The following GRM5 variants were observed in gnomAD, a reference collection of about 807,000 sequenced individuals.
The protein encoded by GRM5 is metabotropic glutamate receptor 5.
A neutral mutation model predicts 83.1 loss-of-function variants in GRM5; 19 were observed. The ratio of observed to expected loss-of-function variants is 0.23; its 90% CI spans 0.16 to 0.34. GRM5 has a LOEUF of 0.34. Among genes scored for constraint, GRM5 ranks in the 10% least tolerant of loss-of-function variants. The pLI is 1.00. For missense variants in GRM5, 1,160 were observed against 1,588.3 expected (o/e 0.73, Z 4.58); for synonymous variants, 675 against 633.6 (o/e 1.07, Z -0.98).
intron 2 of GRM5, among the ~76,000 whole-genome samples, chr11:88,857,085 A>T (rs999629675): frequency 2.0e-5 from 3 of 152,092 alleles, no homozygotes; most frequent in African/African-American, 7.2e-5. Flanking sequence ...CATTTCCATA[A>T]AGTAAAATCC....
At chr11:88,820,387 A>AAAAT (rs1371700107) in intron 3 of GRM5, among the ~76,000 whole-genome samples, 1 of 151,314 alleles carries the variant, frequency 6.6e-6, no homozygotes, top group East Asian at 1.9e-4. Context: ...AAAAAAAAAA[A>AAAAT]AAAAAAGCCA....
At chr11:88,633,673 A>T (rs149894391) in intron 4 of GRM5, among the ~76,000 whole-genome samples, 4 of 151,994 alleles carry the variant, frequency 2.6e-5, no homozygotes, top group African/African-American at 9.7e-5. Context: ...TACCTGACTA[A>T]ATTTTTTTAT....
At chr11:88,771,272 C>T (rs902025375) in intron 3 of GRM5, among the ~76,000 whole-genome samples, 3 of 151,880 alleles carry the variant, frequency 2.0e-5, no homozygotes, top group Non-Finnish European at 4.4e-5. Context: ...TGGGCCCAGA[C>T]GATCACAAGG....
At chr11:89,007,218 C>G (rs968677585) in intron 2 of GRM5, among the ~76,000 whole-genome samples, 1 of 152,202 alleles carries the variant, frequency 6.6e-6, no homozygotes, top group African/African-American at 2.4e-5. Context: ...ACAACAAAGA[C>G]AAAATTTTGC....
chr11:88,719,409 C>T (rs1941481337), intron 3 of GRM5, among the ~76,000 whole-genome samples: 1 of 152,040 alleles, frequency 6.6e-6, no homozygotes, highest in African/African-American at 2.4e-5. Flanking sequence ...TTTTTTATGG[C>T]TGGATATAAT....
intron 3 of GRM5, among the ~76,000 whole-genome samples, chr11:88,837,113 TA>T (rs1335052069): frequency 1.3e-5 from 2 of 152,096 alleles, no homozygotes; most frequent in African/African-American, 2.4e-5. Context: ...TTATTTTTTT[TA>T]AAAAAGAAAC....
chr11:88,905,847 C>T (rs603238), intron 2 of GRM5, among the ~76,000 whole-genome samples: 146,333 of 152,154 alleles, frequency 0.96, 70,415 homozygotes, highest in East Asian at 0.99. Flanking sequence ...ACATCAACCC[C>T]GGAGTGTGGC....
intron 3 of GRM5, among the ~76,000 whole-genome samples, chr11:88,698,899 A>T (rs1940963549): frequency 6.6e-6 from 1 of 152,192 alleles, no homozygotes; most frequent in Admixed American, 6.5e-5. Context: ...TGGTGGATTG[A>T]ACAAAGTGGA....
At chr11:89,017,856 T>C (rs1284470001) in intron 2 of GRM5, among the ~76,000 whole-genome samples, 1 of 152,172 alleles carries the variant, frequency 6.6e-6, no homozygotes, top group East Asian at 1.9e-4. Context: ...GAAAGGGTCA[T>C]AAGTGACCCA....
rs1485324352 is a variant in GRM5 at position 88,938,990 on chromosome 11, C to A, written c.662-88835G>T. Among the ~76,000 whole-genome samples the A allele has an allele frequency of 4.6e-5, 7 of 151,820 alleles. No individual in the cohort carries two copies. In the East Asian group the frequency reaches 7.7e-4, roughly 17 times the overall value. On this transcript the variant is annotated intron_variant, in intron 2 of 9. Coordinates refer to ENST00000305447, the MANE Select transcript of GRM5 (RefSeq NM_001143831.3). Reference sequence around the variant, plus strand: ...TGTTTTCTGCACTACTGATATTTGCCTAAAATGTTCTTGATTGCAGTATAT... The same window carrying A: ...TGTTTTCTGCACTACTGATATTTGCATAAAATGTTCTTGATTGCAGTATAT...
At chr11:89,062,922 T>C (rs1942023457) in intron 1 of GRM5, among the ~76,000 whole-genome samples, 1 of 152,212 alleles carries the variant, frequency 6.6e-6, no homozygotes, top group Admixed American at 6.5e-5. Flanking sequence ...AGGCTTTGTG[T>C]TCGAGGGGAA....
chr11:88,786,261 A>G (rs1943066330), intron 3 of GRM5, among the ~76,000 whole-genome samples: 1 of 152,116 alleles, frequency 6.6e-6, no homozygotes, highest in African/African-American at 2.4e-5. Context: ...GATAGGTAAG[A>G]GTCATTTCAT....
At chr11:88,617,904 G>A (rs1938527438) in intron 4 of GRM5, among the ~76,000 whole-genome samples, 1 of 152,178 alleles carries the variant, frequency 6.6e-6, no homozygotes, top group Admixed American at 6.5e-5. Context: ...GTGGGACAGG[G>A]AGACAGTAGG....
At chr11:88,624,593 G>T (rs80157456) in intron 4 of GRM5, among the ~76,000 whole-genome samples, 1 of 152,100 alleles carries the variant, frequency 6.6e-6, no homozygotes, top group Non-Finnish European at 1.5e-5. Context: ...AAGACGGGAG[G>T]ATCTCTTGAG....
intron 2 of GRM5, among the ~76,000 whole-genome samples, chr11:89,024,464 G>A (rs1227961969): frequency 6.6e-6 from 1 of 152,156 alleles, no homozygotes; most frequent in Non-Finnish European, 1.5e-5. Flanking sequence ...AATTAATGAA[G>A]AAGTTTATTT....
intron 4 of GRM5, among the ~76,000 whole-genome samples, chr11:88,638,058 A>G: frequency 6.6e-6 from 1 of 151,066 alleles, no homozygotes; most frequent in African/African-American, 2.4e-5. Context: ...CGCAAGAACA[A>G]AAAACCAAAC....
At chr11:89,013,274 C>T (rs900787147) in intron 2 of GRM5, among the ~76,000 whole-genome samples, 2 of 152,148 alleles carry the variant, frequency 1.3e-5, no homozygotes, top group African/African-American at 4.8e-5. Flanking sequence ...TTAGGCTTTC[C>T]TTGCTCATGT....
chr11:89,030,627 T>TAAA, intron 2 of GRM5, among the ~76,000 whole-genome samples: 1 of 152,026 alleles, frequency 6.6e-6, no homozygotes, highest in South Asian at 2.1e-4. Flanking sequence ...GCTATGACAA[T>TAAA]AAAAGTAATC....
chr11:88,986,999 G>A (rs1371065811), intron 2 of GRM5, among the ~76,000 whole-genome samples: 5 of 152,146 alleles, frequency 3.3e-5, no homozygotes, highest in Admixed American at 3.3e-4. Context: ...CCTATCGGGG[G>A]AAGGAGCCAA....
Sources: allele counts gnomAD v4.1 joint callset (sites outside exome capture counted in the v4.1 genomes callset), GRCh38; gene constraint gnomAD v4.1.1; transcripts MANE v1.5; gene names NCBI Gene and HGNC (gene_info 2026-07-23, HGNC 2026-07-21).